Variants in LAMP3 observed in about 807,000 individuals in gnomAD.
LAMP3 encodes the protein lysosome-associated membrane glycoprotein 3.
In LAMP3, 26 loss-of-function variants were observed where a neutral mutation model predicts 34.8. That is an observed-to-expected ratio of 0.75 (90% CI 0.55 to 1.04). The LOEUF (loss-of-function observed/expected upper bound fraction) is 1.04, where lower values mean the gene tolerates loss of function less well. Ranked by LOEUF, LAMP3 falls within the 50% of genes least tolerant of loss-of-function variation. The pLI, the probability that LAMP3 is intolerant of heterozygous loss-of-function variation, is 0.00. For missense variants in LAMP3, 495 were observed against 524.0 expected (o/e 0.94, Z 0.54); for synonymous variants, 180 against 201.9 (o/e 0.89, Z 0.92).
chr3:183,127,117 A>G (rs755104408), intron 5 of LAMP3, among the ~76,000 whole-genome samples: 2 of 152,000 alleles, frequency 1.3e-5, no homozygotes, highest in Non-Finnish European at 2.9e-5. Context: ...AGTCCCTTCC[A>G]TCTCCCCTCT....
intron 4 of LAMP3, among the ~76,000 whole-genome samples, chr3:183,139,206 G>A (rs1720195157): frequency 1.3e-5 from 2 of 151,846 alleles, no homozygotes; most frequent in Non-Finnish European, 2.9e-5. Context: ...CCTGACCAAC[G>A]TGGAGAAACC....
chr3:183,128,598 C>T (rs541826731), intron 5 of LAMP3, among the ~76,000 whole-genome samples: 19 of 152,198 alleles, frequency 1.2e-4, no homozygotes, highest in African/African-American at 3.9e-4. Flanking sequence ...TGTTTGTGTT[C>T]CCAGGCCCAT....
chr3:183,139,521 T>A (rs905405058), intron 4 of LAMP3, among the ~76,000 whole-genome samples: 1 of 152,120 alleles, frequency 6.6e-6, no homozygotes, highest in African/African-American at 2.4e-5. Flanking sequence ...GAACTCTAGA[T>A]ATACTGTTTT....
At chr3:183,144,762 G>C (rs2108605091) in intron 3 of LAMP3, among the ~76,000 whole-genome samples, 1 of 152,274 alleles carries the variant, frequency 6.6e-6, no homozygotes, top group East Asian at 1.9e-4. Flanking sequence ...CAAATTAGCT[G>C]GGCATGGTGG....
At chr3:183,142,904 C>T (rs1262073793) in intron 3 of LAMP3, among the ~76,000 whole-genome samples, 5 of 152,148 alleles carry the variant, frequency 3.3e-5, no homozygotes, top group Non-Finnish European at 7.4e-5. Context: ...GTGAACCCGT[C>T]CCTGATGGGC....
At chr3:183,156,396 C>T (rs1720824607) in intron 1 of LAMP3, among the ~76,000 whole-genome samples, 1 of 115,832 alleles carries the variant, frequency 8.6e-6, no homozygotes, top group Non-Finnish European at 2.0e-5. Context: ...CAGACGATGT[C>T]TTTAGGAGTC....
chr3:183,163,325 A>T (rs1270809962), upstream of LAMP3, among the ~76,000 whole-genome samples: 1 of 142,186 alleles, frequency 7.0e-6, no homozygotes, highest in African/African-American at 2.7e-5. Context: ...GTTTTTTGAG[A>T]CAAAGTCTCG....
intron 1 of LAMP3, among the ~76,000 whole-genome samples, chr3:183,158,793 T>C (rs1292489124): frequency 6.6e-6 from 1 of 152,060 alleles, no homozygotes; most frequent in African/African-American, 2.4e-5. Context: ...GCAGGCTCTG[T>C]ACCAGGCACT....
At chr3:183,137,898 C>T (rs376732256) in intron 4 of LAMP3, among the ~76,000 whole-genome samples, 9 of 151,672 alleles carry the variant, frequency 5.9e-5, no homozygotes, top group African/African-American at 2.2e-4. Context: ...TGGCTCACTG[C>T]AACCTCTGCC....
At chr3:183,154,787 G>A (rs1425638956) in intron 1 of LAMP3, among the ~76,000 whole-genome samples, 1 of 152,208 alleles carries the variant, frequency 6.6e-6, no homozygotes, top group African/African-American at 2.4e-5. Flanking sequence ...AACAGCTGCT[G>A]TATGACCTGA....
intron 1 of LAMP3, among the ~76,000 whole-genome samples, chr3:183,161,179 G>A (rs907124721): frequency 1.8e-4 from 27 of 152,186 alleles, no homozygotes; most frequent in African/African-American, 6.5e-4. Context: ...TGGGTGATGT[G>A]AACAAGGCCT....
chr3:183,124,430 A>T (rs1719736089), intron 5 of LAMP3, among the ~76,000 whole-genome samples: 1 of 150,990 alleles, frequency 6.6e-6, no homozygotes, highest in Non-Finnish European at 1.5e-5. Flanking sequence ...CAGAAGATTA[A>T]ATAACCATAT....
intron 4 of LAMP3, among the ~76,000 whole-genome samples, chr3:183,136,672 A>AAAG (rs1439584770): frequency 6.9e-6 from 1 of 145,400 alleles, no homozygotes; most frequent in Non-Finnish European, 1.5e-5. Context: ...AAAAAAAAAC[A>AAAG]ACTCATTAGG....
chr3:183,139,537 G>A (rs1720210165), intron 4 of LAMP3, among the ~76,000 whole-genome samples: 1 of 152,026 alleles, frequency 6.6e-6, no homozygotes, highest in Admixed American at 6.6e-5. Flanking sequence ...GTTTTTTCCT[G>A]CATATACATA....
chr3:183,153,364 G>A (rs1720716355), intron 2 of LAMP3, among the ~76,000 whole-genome samples: 1 of 152,072 alleles, frequency 6.6e-6, no homozygotes, highest in South Asian at 2.1e-4. Context: ...AGGCTTTTAA[G>A]TCTTCTGGAG....
At chr3:183,153,128 C>T (rs6762591) in intron 2 of LAMP3, among the ~76,000 whole-genome samples, 131,698 of 149,046 alleles carry the variant, frequency 0.88, 58,249 homozygotes, top group Middle Eastern at 0.92. Flanking sequence ...TGAGCCAAGA[C>T]TGTGCCACTA....
Position 183,157,459 on chromosome 3 carries a change from C to T in LAMP3, c.50-3068G>A, listed in dbSNP as rs990841795. On this transcript the variant is annotated intron_variant, in intron 1 of 5. Coordinates refer to ENST00000265598, the MANE Select transcript of LAMP3 (RefSeq NM_014398.4). ...TTTAGCAATTCATTTGGGTAAAACC[C>T]GCGTTGCTGGTTCTCTGGTCAAACA... is the stretch of plus-strand genomic sequence containing the variant. Among the ~76,000 whole-genome samples the T allele has an allele frequency of 2.6e-5, 4 of 152,256 alleles. No homozygotes were observed. In the South Asian group the frequency reaches 6.2e-4, roughly 24 times the overall value.
At chr3:183,128,516 A>T (rs1392665231) in intron 5 of LAMP3, among the ~76,000 whole-genome samples, 1 of 151,982 alleles carries the variant, frequency 6.6e-6, no homozygotes, top group African/African-American at 2.4e-5. Context: ...GCTTGTTTTC[A>T]TTTTTTTGCT....
intron 3 of LAMP3, among the ~76,000 whole-genome samples, chr3:183,141,319 A>G (rs955347940): frequency 1.3e-5 from 2 of 152,200 alleles, no homozygotes; most frequent in Admixed American, 6.5e-5. Context: ...CATTTCATCT[A>G]GGAATTATCT....
Sources: allele counts gnomAD v4.1 joint callset (sites outside exome capture counted in the v4.1 genomes callset), GRCh38; gene constraint gnomAD v4.1.1; transcripts MANE v1.5; gene names NCBI Gene and HGNC (gene_info 2026-07-23, HGNC 2026-07-21).